KNTC1: variants seen among roughly 807,000 people sequenced by gnomAD.
KNTC1 encodes the protein kinetochore-associated protein 1.
KNTC1 carries 253 observed loss-of-function variants against 314.4 expected under a neutral mutation model. The ratio of observed to expected loss-of-function variants is 0.80; its 90% CI spans 0.73 to 0.89. KNTC1 has a LOEUF of 0.89. Among genes scored for constraint, KNTC1 ranks in the 40% least tolerant of loss-of-function variants. The probability of loss-of-function intolerance (pLI) is 0.00; values close to 1 mark genes in which losing one functional copy is unlikely to be tolerated. For missense variants in KNTC1, 2,475 were observed against 2,572.9 expected (o/e 0.96, Z 0.82); for synonymous variants, 901 against 901.4 (o/e 1.00, Z 0.01).
chr12:122,609,903 A>C (rs2138146869), intron 52 of KNTC1, among the ~76,000 whole-genome samples: 1 of 152,316 alleles, frequency 6.6e-6, no homozygotes, highest in South Asian at 2.1e-4. Flanking sequence ...TCTGGGCTCA[A>C]GTCAGAACGA....
chr12:122,542,257 A>G, intron 6 of KNTC1, 130 bp downstream of exon 6: 2 of 608,760 alleles, frequency 3.3e-6, no homozygotes, highest in South Asian at 4.7e-5. Context: ...ATAATTGGGT[A>G]TACTGTTAAG....
rs548908744 is a variant in KNTC1, at chr12:122,581,627, T to C, written c.2982+957T>C. Among the ~76,000 whole-genome samples, 25 of 152,202 alleles carry C rather than the reference T, an allele frequency of 1.6e-4. No homozygotes were observed. The East Asian group carries it at 4.6e-3, about 28-fold the overall frequency. ...CTCCTGTCTCAGCCTCTTGAGTAGC[T>C]GAGACTCCAGGCATGTGCCACCACA... is the stretch of plus-strand genomic sequence containing the variant. On this transcript the variant is annotated intron_variant, in intron 33 of 63. Transcript: ENST00000333479.
chr12:122,624,392 C>G (rs187476171), intron 62 of KNTC1, among the ~76,000 whole-genome samples: 173 of 152,266 alleles, frequency 1.1e-3, no homozygotes, highest in African/African-American at 4.1e-3. Context: ...CCTCAGTCTC[C>G]AGAGTAGCTG....
intron 40 of KNTC1, among the ~76,000 whole-genome samples, chr12:122,590,166 G>A (rs991932478): frequency 6.6e-6 from 1 of 151,870 alleles, no homozygotes; most frequent in Non-Finnish European, 1.5e-5. Context: ...ACCGTTTACT[G>A]TTTCATCATT....
rs1305088197 is a variant in KNTC1 at position 122,615,472 on chromosome 12, T to G, written c.5976T>G (p.Ile1992Met). ...TTTTTATTTTTAATTTTTTACAGATTCCTTATCTAAGGAAAGTTTTAAAAG... is the reference window on the plus strand; with the variant it reads ...TTTTTATTTTTAATTTTTTACAGATGCCTTATCTAAGGAAAGTTTTAAAAG... ...LLQKLLGFNM[I>M]PYLRKVLKAI... is the part of the protein sequence containing the mutation. The change falls in exon 57 of 64, where the codon ATT becomes ATG. Residue 1992 changes from isoleucine (I) to methionine (M), a missense_variant and splice_region_variant. Coordinates refer to ENST00000333479, the MANE Select transcript of KNTC1 (RefSeq NM_014708.6). The G allele has an allele frequency of 6.6e-6, 10 of 1,520,980 alleles. No individual in the cohort carries two copies. Among genetic ancestry groups the G allele is most frequent in the South Asian group, 3.7e-5 (3 of 80,158 alleles). 94.2% of individuals were successfully genotyped at this position (1,520,980 alleles called of 1,614,324 possible).
At chr12:122,589,776 ATTTTTTTT>A (rs375169727) in intron 40 of KNTC1, among the ~76,000 whole-genome samples, 22 of 94,592 alleles carry the variant, frequency 2.3e-4, no homozygotes, top group Non-Finnish European at 1.8e-4. Context: ...GGGCCCCCCA[ATTTTTTTT>A]TTTTTTTTTT....
intron 44 of KNTC1, among the ~76,000 whole-genome samples, chr12:122,600,290 G>T (rs984433891): frequency 6.6e-6 from 1 of 152,086 alleles, no homozygotes; most frequent in African/African-American, 2.4e-5. Context: ...ATAGAGACAA[G>T]ATTTCGCCAT....
At chr12:122,580,520 G>C (rs1034983552) in intron 32 of KNTC1, 83 bp from the exon 33 acceptor site, 2 of 799,238 alleles carry the variant, frequency 2.5e-6, no homozygotes, top group Non-Finnish European at 4.1e-6. Context: ...GAGAACCAAA[G>C]CTAATTAAAA....
At chr12:122,577,560 C>G in intron 30 of KNTC1, 112 bp from the exon 31 acceptor site, 2 of 1,049,608 alleles carry the variant, frequency 1.9e-6, no homozygotes, top group Non-Finnish European at 1.3e-6. Context: ...GAACCATAAT[C>G]TGTTTTTCCA....
intron 1 of KNTC1, among the ~76,000 whole-genome samples, chr12:122,528,195 G>A (rs1960925568): frequency 6.6e-6 from 1 of 152,158 alleles, no homozygotes; most frequent in African/African-American, 2.4e-5. Context: ...TTTCACAGAT[G>A]TGGGAAATTG....
intron 43 of KNTC1, 187 bp from the exon 44 acceptor site, chr12:122,597,544 G>A (rs1021183747): frequency 1.0e-5 from 6 of 579,696 alleles, no homozygotes; most frequent in Non-Finnish European, 9.3e-6. Flanking sequence ...ACTGCACCCG[G>A]CCTAATATCT....
At chr12:122,548,501 C>T (rs996495475) in intron 12 of KNTC1, among the ~76,000 whole-genome samples, 1 of 152,032 alleles carries the variant, frequency 6.6e-6, no homozygotes, top group Non-Finnish European at 1.5e-5. Context: ...TGAGCCACTG[C>T]GCCCGGCCCA....
intron 4 of KNTC1, 55 bp downstream of exon 4, chr12:122,538,509 G>A (rs1358057264): frequency 2.3e-5 from 23 of 1,005,204 alleles, no homozygotes; most frequent in Non-Finnish European, 3.2e-5. Context: ...TAATCTCTTA[G>A]ACAACTAAAA....
chr12:122,554,073 AAAAATATATATAT>A (rs893640384), intron 16 of KNTC1, among the ~76,000 whole-genome samples: 6 of 87,066 alleles, frequency 6.9e-5, no homozygotes, highest in African/African-American at 3.0e-4. Flanking sequence ...TTAAAAAAAA[AAAAATATATATAT>A]ATATATATAT....
chr12:122,543,586 C>A lies in KNTC1; in HGVS notation c.524-14C>A. 6.5e-7 allele frequency: 1 copy of A among 1,542,566 alleles called. No homozygotes were observed. On this transcript the variant is annotated splice_polypyrimidine_tract_variant and intron_variant, in intron 6 of 63. Coordinates refer to ENST00000333479, the MANE Select transcript of KNTC1 (RefSeq NM_014708.6). The stretch of plus-strand genomic sequence containing the variant: ...TAATACTATACATTTAGCCTGCTTT[C>A]TTTTTTAATGCAGCAATTGAGAATG...
rs539670629 is a variant in KNTC1 at position 122,579,941 on chromosome 12, G to A, written c.2878G>A (p.Val960Met). ...AWRMSVAKTS[V>M]DILKILCDIQ... ...GAGAATGTCTGTAGCGAAGACATCCGTGGACATTCTTAAGATACTATGTGA... is the reference window on the plus strand; with the variant it reads ...GAGAATGTCTGTAGCGAAGACATCCATGGACATTCTTAAGATACTATGTGA... Residue 960 changes from valine to methionine, a missense_variant, in exon 32 of 64, where the codon GTG (valine) becomes ATG (methionine). Coordinates refer to ENST00000333479, the MANE Select transcript of KNTC1 (RefSeq NM_014708.6). The A allele has an allele frequency of 1.8e-5, 29 of 1,610,732 alleles. No homozygotes were observed. Among genetic ancestry groups the A allele is most frequent in the African/African-American group, 1.1e-4 (8 of 74,950 alleles).
intron 20 of KNTC1, among the ~76,000 whole-genome samples, chr12:122,567,130 A>G (rs1160940502): frequency 1.3e-5 from 2 of 151,796 alleles, no homozygotes; most frequent in African/African-American, 4.8e-5. Context: ...CTGGAGTGCA[A>G]TGACATGATC....
Position 122,615,019 on chromosome 12 carries a change from T to C in KNTC1, c.5906T>C (p.Leu1969Ser). The change falls in exon 56 of 64, where the codon TTA becomes TCA. Residue 1969 changes from leucine (L) to serine (S), a missense_variant. By Grantham distance (145) the Leu-to-Ser change is moderately radical. Transcript: ENST00000333479. ...GTAAGATTGGTGACTGAGCTGTGTT[T>C]AGAATACAAAATCTATGACCTGCAG... ...MAVRLVTELC[L>S]EYKIYDLQLW... The C allele has an allele frequency of 6.2e-7, 1 of 1,613,652 alleles. No individual in the cohort carries two copies. The highest frequency in any genetic ancestry group is 8.5e-7 in the Non-Finnish European group (1 of 1,179,736).
At chr12:122,545,831 G>A (rs1022898365) in intron 8 of KNTC1, among the ~76,000 whole-genome samples, 1 of 151,652 alleles carries the variant, frequency 6.6e-6, no homozygotes, top group Non-Finnish European at 1.5e-5. Flanking sequence ...CTCACCTGTA[G>A]TCCCAGCTAC....
Sources: allele counts gnomAD v4.1 joint callset (sites outside exome capture counted in the v4.1 genomes callset), GRCh38; gene constraint gnomAD v4.1.1; transcripts MANE v1.5; gene names NCBI Gene and HGNC (gene_info 2026-07-23, HGNC 2026-07-21).